Variants in CALN1 observed in about 807,000 individuals in gnomAD.
CALN1 encodes calneuron 1, also known as calcium-binding protein 8.
In CALN1, 17 loss-of-function variants were observed where a neutral mutation model predicts 30.6. That is an observed-to-expected ratio of 0.56 (90% CI 0.38 to 0.83). CALN1 has a LOEUF of 0.83. CALN1 is among the 40% of genes least tolerant of loss of function. The pLI, the probability that CALN1 is intolerant of heterozygous loss-of-function variation, is 0.00. For synonymous variants in CALN1, 156 were observed against 131.4 expected, an observed-to-expected ratio of 1.19 and a Z score of -1.28; for missense variants, 291 against 354.9, an observed-to-expected ratio of 0.82 and a Z score of 1.45.
chr7:71,935,000 A>C (rs771505468), intron 5 of CALN1, among the ~76,000 whole-genome samples: 5 of 152,186 alleles, frequency 3.3e-5, no homozygotes, highest in Non-Finnish European at 7.3e-5. Context: ...AGGTCCCTCC[A>C]ACAACACATG....
intron 3 of CALN1, among the ~76,000 whole-genome samples, chr7:72,229,422 C>T (rs374990048): frequency 3.3e-5 from 5 of 151,956 alleles, no homozygotes; most frequent in South Asian, 2.1e-4. Context: ...CCCAACAATC[C>T]TATTACTGGG....
intron 2 of CALN1, among the ~76,000 whole-genome samples, chr7:72,399,548 C>T (rs1488928281): frequency 2.0e-5 from 3 of 152,136 alleles, no homozygotes; most frequent in Admixed American, 2.0e-4. Context: ...GGATTACAGG[C>T]ATGAGCCACC....
chr7:71,857,655 G>A (rs1025653157), intron 5 of CALN1, among the ~76,000 whole-genome samples: 4 of 152,194 alleles, frequency 2.6e-5, no homozygotes, highest in Admixed American at 6.5e-5. Context: ...CGCTGAGGCT[G>A]CAGAGGTGGC....
chr7:72,238,983 GC>G (rs1794661783), intron 3 of CALN1, among the ~76,000 whole-genome samples: 1 of 152,160 alleles, frequency 6.6e-6, no homozygotes, highest in Non-Finnish European at 1.5e-5. Flanking sequence ...AGGAGAGAGG[GC>G]CCTCAGACTC....
At chr7:72,013,833 A>G (rs1427970958) in intron 5 of CALN1, among the ~76,000 whole-genome samples, 1 of 151,946 alleles carries the variant, frequency 6.6e-6, no homozygotes, top group African/African-American at 2.4e-5. Flanking sequence ...CAATTATATA[A>G]TATTTTATCT....
chr7:72,226,747 A>G (rs1793705180), intron 3 of CALN1, among the ~76,000 whole-genome samples: 1 of 152,156 alleles, frequency 6.6e-6, no homozygotes, highest in Admixed American at 6.5e-5. Flanking sequence ...TGGACAGGAA[A>G]ATGGGAACCA....
chr7:72,303,341 T>C (rs1282101308), intron 2 of CALN1, among the ~76,000 whole-genome samples: 2 of 151,888 alleles, frequency 1.3e-5, no homozygotes, highest in African/African-American at 4.8e-5. Context: ...GGTGGCCAGA[T>C]CATCTGAGGT....
Position 71,967,080 on chromosome 7 carries a change from C to T in CALN1, c.501+56577G>A, listed in dbSNP as rs552139172. ...CCCATTCACTTGTTTATTCCAATAA[C>T]GTAGTGGATAAACAGTTCAAAATGG... On this transcript the variant is annotated intron_variant, in intron 5 of 6. Coordinates refer to ENST00000395275, the MANE Select transcript of CALN1 (RefSeq NM_031468.4). Among the ~76,000 whole-genome samples the T allele has an allele frequency of 9.2e-5, 14 of 152,090 alleles. No homozygotes were observed. In the East Asian group the frequency reaches 9.7e-4, roughly 10 times the overall value.
intron 2 of CALN1, among the ~76,000 whole-genome samples, chr7:72,388,333 C>A (rs1264371891): frequency 2.0e-5 from 3 of 152,026 alleles, no homozygotes; most frequent in Admixed American, 6.6e-5. Flanking sequence ...CCTGCCTGGA[C>A]ATGGTCTCAG....
chr7:72,175,201 G>A (rs1789262591), intron 3 of CALN1, among the ~76,000 whole-genome samples: 1 of 151,870 alleles, frequency 6.6e-6, no homozygotes. Flanking sequence ...AGCCTCCCGA[G>A]TAGCTGAGAC....
At chr7:72,429,677 A>C (rs893380545) in intron 1 of CALN1, among the ~76,000 whole-genome samples, 1 of 149,604 alleles carries the variant, frequency 6.7e-6, no homozygotes, top group Non-Finnish European at 1.5e-5. Flanking sequence ...CTCCCTTAGA[A>C]TATCTCTATA....
chr7:72,136,495 T>C (rs539626131), intron 3 of CALN1, among the ~76,000 whole-genome samples: 8 of 152,346 alleles, frequency 5.3e-5, no homozygotes, highest in African/African-American at 1.7e-4. Context: ...CCTCTAAAAC[T>C]TTCTCCATAT....
intron 2 of CALN1, among the ~76,000 whole-genome samples, chr7:72,313,551 C>T (rs1477309526): frequency 6.6e-6 from 1 of 152,068 alleles, no homozygotes; most frequent in African/African-American, 2.4e-5. Flanking sequence ...TACCACCATG[C>T]CTGGCTCATT....
intron 3 of CALN1, among the ~76,000 whole-genome samples, chr7:72,180,027 T>G (rs559279680): frequency 6.6e-6 from 1 of 152,278 alleles, no homozygotes; most frequent in East Asian, 1.9e-4. Context: ...AAGGCACACA[T>G]GTTGCTTATC....
chr7:71,792,228 C>T (rs1786609081), intron 6 of CALN1, among the ~76,000 whole-genome samples: 1 of 152,176 alleles, frequency 6.6e-6, no homozygotes, highest in East Asian at 1.9e-4. Context: ...ATTTAGAAGT[C>T]TGTAATAGAA....
intron 3 of CALN1, among the ~76,000 whole-genome samples, chr7:72,110,689 G>GA (rs1477247867): frequency 6.0e-5 from 9 of 149,874 alleles, no homozygotes; most frequent in South Asian, 4.2e-4. Context: ...GCAGAAACAG[G>GA]AAAAAAAATA....
intron 5 of CALN1, among the ~76,000 whole-genome samples, chr7:71,855,154 G>A (rs927933082): frequency 1.2e-4 from 18 of 152,184 alleles, no homozygotes; most frequent in Non-Finnish European, 2.4e-4. Context: ...ATGCTAAGGG[G>A]AATTGAAAAA....
intron 2 of CALN1, among the ~76,000 whole-genome samples, chr7:72,373,290 T>C (rs1356557835): frequency 6.6e-6 from 1 of 152,124 alleles, no homozygotes; most frequent in Non-Finnish European, 1.5e-5. Flanking sequence ...ATTTGTGTAA[T>C]TACAGTCCCA....
intron 2 of CALN1, chr7:72,336,779 C>G: frequency 2.0e-6 from 2 of 985,204 alleles, no homozygotes; most frequent in Non-Finnish European, 2.4e-6. Context: ...CTCCGAGGCC[C>G]GCAGGGAGGG....
Sources: gnomAD v4.1 joint callset for allele counts (sites outside exome capture counted in the v4.1 genomes callset) on GRCh38, gnomAD v4.1.1 for gene constraint, MANE v1.5 for transcripts, NCBI Gene and HGNC (gene_info 2026-07-23, HGNC 2026-07-21) for gene names.